The following SLC15A1 variants were observed in gnomAD, a reference collection of about 807,000 sequenced individuals.
SLC15A1 encodes Caco-2 oligopeptide transporter.
A neutral mutation model predicts 92.9 loss-of-function variants in SLC15A1; 83 were observed. That is an observed-to-expected ratio of 0.89 (90% CI 0.75 to 1.07). The LOEUF (loss-of-function observed/expected upper bound fraction) is 1.07. Ranked by LOEUF, SLC15A1 falls within the 50% of genes least tolerant of loss-of-function variation. The probability of loss-of-function intolerance (pLI) is 0.00; values close to 1 mark genes in which losing one functional copy is unlikely to be tolerated. For synonymous variants in SLC15A1, 322 were observed against 318.2 expected (o/e 1.01, Z -0.13); for missense variants, 857 against 880.1 (o/e 0.97, Z 0.33).
rs190102127 is a variant in SLC15A1, at chr13:98,732,453, A to G, written c.5-5594T>C. 1.1e-3 allele frequency among the ~76,000 whole-genome samples: 166 copies of G among 151,844 alleles called. 3 individuals carry two copies. The highest frequency in any genetic ancestry group is 6.3e-3 in the South Asian group (30 of 4,784). ...ATATTATACATTTATATGATTACTGACTTGGGGGTTGGGGGGGACAGGGAA... is the reference window on the plus strand; with the variant it reads ...ATATTATACATTTATATGATTACTGGCTTGGGGGTTGGGGGGGACAGGGAA... On this transcript the variant is annotated intron_variant, in intron 1 of 22. Transcript: ENST00000376503.
intron 18 of SLC15A1, among the ~76,000 whole-genome samples, chr13:98,692,120 CCT>C (rs2087983985): frequency 1.4e-5 from 2 of 146,156 alleles, no homozygotes; most frequent in Non-Finnish European, 3.0e-5. Flanking sequence ...GAGGAGTCCC[CCT>C]CTCTTCTCCT....
intron 12 of SLC15A1, 41 bp from the exon 13 acceptor site, chr13:98,709,815 A>G: frequency 6.2e-7 from 1 of 1,614,192 alleles, no homozygotes; most frequent in Non-Finnish European, 8.5e-7. Context: ...AAATGTCATG[A>G]AAGGGAAGAA....
At chr13:98,704,479 C>T (rs764123424) in intron 16 of SLC15A1, 44 bp from the exon 17 acceptor site, 28 of 1,562,616 alleles carry the variant, frequency 1.8e-5, no homozygotes, top group East Asian at 1.2e-4. Context: ...CACAGAGTCT[C>T]GGCACTATGC....
At chr13:98,720,133 C>A (rs1370015526) in intron 7 of SLC15A1, among the ~76,000 whole-genome samples, 2 of 152,132 alleles carry the variant, frequency 1.3e-5, no homozygotes, top group African/African-American at 4.8e-5. Context: ...AGTTAACTAG[C>A]AGAAGTGACA....
At chr13:98,736,272 A>G (rs1396516751) in intron 1 of SLC15A1, among the ~76,000 whole-genome samples, 2 of 152,244 alleles carry the variant, frequency 1.3e-5, no homozygotes, top group African/African-American at 2.4e-5. Flanking sequence ...TGGTGCTGGG[A>G]AAACTGGCTA....
intron 21 of SLC15A1, among the ~76,000 whole-genome samples, chr13:98,686,902 C>A (rs2087933232): frequency 6.6e-6 from 1 of 151,540 alleles, no homozygotes. Context: ...GCTCATTAGT[C>A]TAACACACTT....
At chr13:98,743,083 T>C (rs1166991628) in intron 1 of SLC15A1, among the ~76,000 whole-genome samples, 2 of 152,178 alleles carry the variant, frequency 1.3e-5, no homozygotes, top group African/African-American at 4.8e-5. Flanking sequence ...CCAGATTTCC[T>C]CTTTTTGTGA....
chr13:98,732,155 G>A (rs2088356048), intron 1 of SLC15A1, among the ~76,000 whole-genome samples: 1 of 152,204 alleles, frequency 6.6e-6, no homozygotes, highest in African/African-American at 2.4e-5. Context: ...ACAAGATTCT[G>A]TTTACTTTGG....
At chr13:98,729,373 G>A (rs1038314931) in intron 1 of SLC15A1, among the ~76,000 whole-genome samples, 7 of 152,202 alleles carry the variant, frequency 4.6e-5, no homozygotes, top group African/African-American at 1.2e-4. Flanking sequence ...TGCCTCTGTG[G>A]CTGGTATTTG....
intron 1 of SLC15A1, among the ~76,000 whole-genome samples, chr13:98,740,003 T>G (rs2088430414): frequency 6.6e-6 from 1 of 151,918 alleles, no homozygotes; most frequent in Admixed American, 6.6e-5. Flanking sequence ...CCAGGGTCAA[T>G]TACATTGACC....
At chr13:98,708,892 T>C in intron 14 of SLC15A1, 125 bp from the exon 15 acceptor site, 2 of 522,170 alleles carry the variant, frequency 3.8e-6, no homozygotes, top group Admixed American at 8.6e-5. Flanking sequence ...TGAAAGCACC[T>C]CTCCCCATCT....
At chr13:98,740,512 T>C (rs1243297947) in intron 1 of SLC15A1, among the ~76,000 whole-genome samples, 2 of 152,136 alleles carry the variant, frequency 1.3e-5, no homozygotes, top group Non-Finnish European at 2.9e-5. Flanking sequence ...CTGTCTCCAC[T>C]TGGGCCCTTT....
intron 1 of SLC15A1, among the ~76,000 whole-genome samples, chr13:98,734,963 A>G (rs1381251779): frequency 6.6e-6 from 1 of 152,216 alleles, no homozygotes; most frequent in Non-Finnish European, 1.5e-5. Flanking sequence ...AAAAGAGGGA[A>G]TCCTCCATAA....
intron 1 of SLC15A1, among the ~76,000 whole-genome samples, chr13:98,751,532 C>G (rs1303014713): frequency 6.6e-6 from 1 of 152,250 alleles, no homozygotes; most frequent in Non-Finnish European, 1.5e-5. Flanking sequence ...GCCCAGGAAT[C>G]TGCCTGCAGA....
intron 2 of SLC15A1, 51 bp from the exon 3 acceptor site, chr13:98,726,500 A>G (rs756224054): frequency 2.6e-6 from 4 of 1,537,778 alleles, no homozygotes; most frequent in Non-Finnish European, 3.6e-6. Context: ...CCACTGGTCC[A>G]TAGCCACAAA....
rs1385073005 is a variant in SLC15A1 at position 98,689,854 on chromosome 13, A to G, written c.1467-1277T>C. Among the ~76,000 whole-genome samples, 5 of 152,208 alleles carry G rather than the reference A, an allele frequency of 3.3e-5. No individual in the cohort carries two copies. The South Asian group carries it at 6.2e-4, about 19-fold the overall frequency. The stretch of plus-strand genomic sequence containing the variant: ...GAATACAGCTTTGAATGGATACCCA[A>G]TAAGACCGACTTCCAGGTCCAAGGC... On this transcript the variant is annotated intron_variant, in intron 18 of 22. Transcript: ENST00000376503.
chr13:98,729,539 C>T (rs967800645), intron 1 of SLC15A1, among the ~76,000 whole-genome samples: 11 of 152,198 alleles, frequency 7.2e-5, no homozygotes, highest in African/African-American at 1.7e-4. Context: ...TTTATCACTT[C>T]CCTGGTTCCA....
At chr13:98,706,101 T>G in intron 16 of SLC15A1, 33 bp downstream of exon 16, 1 of 1,593,414 alleles carries the variant, frequency 6.3e-7, no homozygotes, top group Non-Finnish European at 8.5e-7. Flanking sequence ...GGTCAGAAGA[T>G]GAAAAAGAAG....
At chr13:98,705,823 A>G (rs2088108346) in intron 16 of SLC15A1, among the ~76,000 whole-genome samples, 1 of 151,462 alleles carries the variant, frequency 6.6e-6, no homozygotes, top group South Asian at 2.1e-4. Flanking sequence ...ACGTTTGTGG[A>G]GGCAGAGGCT....
Sources: gnomAD v4.1 joint callset for allele counts (sites outside exome capture counted in the v4.1 genomes callset) on GRCh38, gnomAD v4.1.1 for gene constraint, MANE v1.5 for transcripts, NCBI Gene and HGNC (gene_info 2026-07-23, HGNC 2026-07-21) for gene names.